The following C22orf23 variants were observed in gnomAD, a reference collection of about 807,000 sequenced individuals.
C22orf23 encodes chromosome 22 open reading frame 23, also known as UPF0193 protein EVG1.
A neutral mutation model predicts 29.7 loss-of-function variants in C22orf23; 30 were observed. The observed-to-expected ratio is 1.01, with a 90% CI of 0.76 to 1.37. The LOEUF (loss-of-function observed/expected upper bound fraction) is 1.37. Among genes scored for constraint, C22orf23 ranks in the 40% most tolerant of loss-of-function variants. The pLI, the probability that C22orf23 is intolerant of heterozygous loss-of-function variation, is 0.00. For synonymous variants in C22orf23, 90 were observed against 96.1 expected (o/e 0.94, Z 0.37); for missense variants, 237 against 273.1 (o/e 0.87, Z 0.93).
chr22:37,951,264 C>T (rs915369972), intron 3 of C22orf23, 196 bp downstream of exon 3: 14 of 528,844 alleles, frequency 2.6e-5, no homozygotes, highest in Middle Eastern at 5.1e-4. Context: ...TGGCGTTGCC[C>T]GGGCTGGTCT....
At chr22:37,944,878 C>T in intron 5 of C22orf23, 164 bp downstream of exon 5, 1 of 770,870 alleles carries the variant, frequency 1.3e-6, no homozygotes, top group Non-Finnish European at 2.0e-6. Context: ...CTAGCCTGGG[C>T]AATAAGAGCA....
chr22:37,948,085 C>G (rs936006983), intron 3 of C22orf23, among the ~76,000 whole-genome samples: 1 of 149,698 alleles, frequency 6.7e-6, no homozygotes, highest in Admixed American at 6.6e-5. Context: ...CCAGCCTGGG[C>G]GACAGAGCGA....
At chr22:37,944,575 C>G in intron 5 of C22orf23, 58 bp from the exon 6 acceptor site, 1 of 1,444,280 alleles carries the variant, frequency 6.9e-7, no homozygotes, top group Non-Finnish European at 9.7e-7. Context: ...CGGGTTGCCT[C>G]TCTTGAGGAG....
At chr22:37,950,542 G>A (rs774559090) in intron 3 of C22orf23, among the ~76,000 whole-genome samples, 3 of 152,174 alleles carry the variant, frequency 2.0e-5, no homozygotes, top group Non-Finnish European at 4.4e-5. Flanking sequence ...CCAGGGTCAA[G>A]TGATCCTCCC....
rs1324178943 is a variant in C22orf23 at position 37,945,043 on chromosome 22, C to T, written c.480G>A (p.Glu160=). 6.2e-7 allele frequency: 1 copy of T among 1,603,086 alleles called. No homozygotes were observed. Among genetic ancestry groups the T allele is most frequent in the Non-Finnish European group, 8.5e-7 (1 of 1,176,382 alleles). The change falls in exon 5 of 7, where the codon GAG becomes GAA. Residue 160 remains glutamate (E), a splice_region_variant and synonymous_variant. Coordinates refer to ENST00000403305, the MANE Select transcript of C22orf23 (RefSeq NM_032561.5). ...ATGACTGGTCCGTCGGAGTCTTACG[C>T]TCTTCAAATCGGTCTAGCTCAGGGG... ...APAPELDRFE[E]LVKEIQERKE... is the part of the protein sequence containing the mutation.
At chr22:37,948,513 G>A (rs569944751) in intron 3 of C22orf23, among the ~76,000 whole-genome samples, 1 of 150,916 alleles carries the variant, frequency 6.6e-6, no homozygotes, top group East Asian at 2.0e-4. Flanking sequence ...CCTAGCTACT[G>A]GGAAGGCTGA....
chr22:37,949,839 G>T (rs931768750), intron 3 of C22orf23, among the ~76,000 whole-genome samples: 1 of 151,908 alleles, frequency 6.6e-6, no homozygotes, highest in Non-Finnish European at 1.5e-5. Context: ...AGGAGCGAGC[G>T]GTCAGAAGTA....
chr22:37,948,524 G>T lies in C22orf23; in HGVS notation c.167-1061C>A, dbSNP rs537232661. ...TAATCCTAGCTACTGGGAAGGCTGA[G>T]GCAGGAGAATCTCTTGAACCCAGGA... On this transcript the variant is annotated intron_variant, in intron 3 of 6. Coordinates refer to ENST00000403305, the MANE Select transcript of C22orf23 (RefSeq NM_032561.5). Among the ~76,000 whole-genome samples the T allele has an allele frequency of 6.6e-5, 10 of 152,180 alleles. No individual in the cohort carries two copies. The East Asian group carries it at 1.7e-3, about 26-fold the overall frequency.
intron 2 of C22orf23, among the ~76,000 whole-genome samples, chr22:37,952,060 C>T (rs1344822362): frequency 2.0e-5 from 3 of 151,952 alleles, no homozygotes; most frequent in East Asian, 3.9e-4. Flanking sequence ...GGTGATCTGC[C>T]CACCTTGGCC....
In C22orf23 at chr22:37,945,032, G is replaced by A. The variant is rs750781074; in HGVS notation, c.481+10C>T. 42 of 1,591,950 alleles carry A rather than the reference G, an allele frequency of 2.6e-5. No homozygotes were observed. The South Asian group carries it at 3.4e-4, about 13-fold the overall frequency. On this transcript the variant is annotated intron_variant, in intron 5 of 6. Transcript: ENST00000403305. ...CCACCCCCAGCATGACTGGTCCGTC[G>A]GAGTCTTACGCTCTTCAAATCGGTC...
At chr22:37,945,539 G>C (rs1297859876) in intron 4 of C22orf23, among the ~76,000 whole-genome samples, 1 of 144,880 alleles carries the variant, frequency 6.9e-6, no homozygotes, top group Non-Finnish European at 1.5e-5. Flanking sequence ...CTGTCGCCCA[G>C]ACTGGAGTGC....
At chr22:37,946,027 G>A (rs1396151734) in intron 4 of C22orf23, among the ~76,000 whole-genome samples, 1 of 151,938 alleles carries the variant, frequency 6.6e-6, no homozygotes, top group Non-Finnish European at 1.5e-5. Flanking sequence ...GGGAGGCCGA[G>A]GTGGGCGGAT....
chr22:37,951,221 AAAG>A, intron 3 of C22orf23: 1 of 413,372 alleles, frequency 2.4e-6, no homozygotes, highest in South Asian at 3.8e-5. Context: ...CAAAAAAAAA[AAAG>A]GTTTTGTGGA....
At chr22:37,945,779 G>A (rs12158387) in intron 4 of C22orf23, among the ~76,000 whole-genome samples, 4,716 of 138,330 alleles carry the variant, frequency 0.034, 267 homozygotes, top group African/African-American at 0.12. Flanking sequence ...TTACAGGCAT[G>A]AGCCATCACG....
intron 3 of C22orf23, among the ~76,000 whole-genome samples, chr22:37,950,799 A>G (rs1168668872): frequency 6.6e-6 from 1 of 151,654 alleles, no homozygotes; most frequent in African/African-American, 2.4e-5. Flanking sequence ...CTAGCTAGTC[A>G]GGATGCTGAG....
At chr22:37,949,440 G>A (rs981533356) in intron 3 of C22orf23, among the ~76,000 whole-genome samples, 2 of 144,650 alleles carry the variant, frequency 1.4e-5, no homozygotes, top group African/African-American at 2.6e-5. Context: ...GTGCCACCAC[G>A]CCTGGCTAAT....
At chr22:37,948,838 C>A in intron 3 of C22orf23, among the ~76,000 whole-genome samples, 1 of 152,188 alleles carries the variant, frequency 6.6e-6, no homozygotes, top group East Asian at 1.9e-4. Flanking sequence ...ATTAAAATAA[C>A]AGACTCTTTT....
upstream of C22orf23, chr22:37,953,640 C>A: frequency 1.0e-6 from 1 of 958,810 alleles, no homozygotes; most frequent in Non-Finnish European, 1.5e-6. Context: ...GCGCACTTTC[C>A]CCGCTCTGTC....
Position 37,944,452 on chromosome 22 carries a change from G to C in C22orf23, c.547C>G (p.Gln183Glu), listed in dbSNP as rs761642774. Residue 183 changes from glutamine (Q) to glutamate (E), a missense_variant, in exon 6 of 7, where the codon CAG becomes GAG. Transcript: ENST00000403305. ...ADMEALGQGK[Q>E]YRGIILAEIS... is the part of the protein sequence containing the mutation. The stretch of plus-strand genomic sequence containing the variant: ...TCAGCAAGGATGATTCCTCGGTACT[G>C]TTTGCCCTGTCCCAGGGCCTCCATG... The C allele has an allele frequency of 1.9e-6, 3 of 1,614,058 alleles. No homozygotes were observed. The highest frequency in any genetic ancestry group is 2.5e-6 in the Non-Finnish European group (3 of 1,180,044).
Sources: allele counts gnomAD v4.1 joint callset (sites outside exome capture counted in the v4.1 genomes callset), GRCh38; gene constraint gnomAD v4.1.1; transcripts MANE v1.5; gene names NCBI Gene and HGNC (gene_info 2026-07-23, HGNC 2026-07-21).